The following NEK11 variants were observed in gnomAD, a reference collection of about 807,000 sequenced individuals.
The protein encoded by NEK11 is NIMA related kinase 11, also known as serine/threonine-protein kinase Nek11.
NEK11 carries 72 observed loss-of-function variants against 80.7 expected under a neutral mutation model. That is an observed-to-expected ratio of 0.89 (90% CI 0.74 to 1.08). The LOEUF is 1.08. Among genes scored for constraint, NEK11 ranks in the 50% least tolerant of loss-of-function variants. The pLI is 0.00. For missense variants in NEK11, 764 were observed against 763.6 expected (o/e 1.00, Z -0.01); for synonymous variants, 251 against 260.7 (o/e 0.96, Z 0.36).
chr3:131,204,901 C>CAT (rs2094397675), intron 14 of NEK11, among the ~76,000 whole-genome samples: 1 of 152,054 alleles, frequency 6.6e-6, no homozygotes, highest in African/African-American at 2.4e-5. Context: ...GGGGAGAGGG[C>CAT]ATTGAACCTT....
At chr3:131,213,071 T>C (rs1012338212) in intron 14 of NEK11, among the ~76,000 whole-genome samples, 1 of 152,110 alleles carries the variant, frequency 6.6e-6, no homozygotes, top group Non-Finnish European at 1.5e-5. Flanking sequence ...CATTAACTCT[T>C]TTCTGAGTGT....
intron 14 of NEK11, among the ~76,000 whole-genome samples, chr3:131,213,244 T>C (rs999302312): frequency 6.6e-6 from 1 of 152,106 alleles, no homozygotes; most frequent in African/African-American, 2.4e-5. Flanking sequence ...AGTTTGCCTC[T>C]TCACATTGGT....
At chr3:131,347,302 A>G (rs542760432) in intron 17 of NEK11, among the ~76,000 whole-genome samples, 35 of 152,334 alleles carry the variant, frequency 2.3e-4, no homozygotes, top group African/African-American at 7.5e-4. Flanking sequence ...ACAAATGTTC[A>G]ATGAATTGCC....
At position 131,168,939 on chromosome 3, in the gene NEK11, C is replaced by A. The variant is rs780375733; in HGVS notation, c.1284+2C>A. ...GAGAGGTGGCAAGGCAGGGAAGAGG[C>A]AAGTTTAATCATATTCACAAGCACA... On this transcript the variant is annotated splice_donor_variant, in intron 13 of 17. Coordinates refer to ENST00000383366, the MANE Select transcript of NEK11 (RefSeq NM_024800.5). LOFTEE classifies it high-confidence loss of function. 1.2e-6 allele frequency: 2 copies of A among 1,608,008 alleles called. No homozygotes were observed. The highest frequency in any genetic ancestry group is 1.7e-6 in the Non-Finnish European group (2 of 1,175,204).
In NEK11 at chr3:131,133,949, G is replaced by T; in HGVS notation, c.640G>T (p.Asp214Tyr). 1 of 1,608,052 alleles carries T rather than the reference G, an allele frequency of 6.2e-7. No homozygotes were observed. The highest frequency in any genetic ancestry group is 1.1e-5 in the South Asian group (1 of 89,492). ...LKHQGYDTKS[D>Y]IWSLACILYE... ...ACACCAAGGCTATGACACAAAGTCG[G>T]ACATCTGGTGAGTGGGCTAGTGGGC... The change falls in exon 7 of 18, where the codon GAC becomes TAC. Residue 214 changes from aspartate to tyrosine, a missense_variant. Physicochemically the swap from Asp to Tyr is radical, Grantham distance 160 (BLOSUM62 -3). Transcript: ENST00000383366.
At chr3:131,184,686 C>G (rs1026644867) in intron 14 of NEK11, 1 of 1,031,400 alleles carries the variant, frequency 9.7e-7, no homozygotes, top group East Asian at 3.2e-5. Context: ...TAAAATTTTT[C>G]TCTTTCTTCT....
chr3:131,243,131 A>G (rs1381627640), intron 15 of NEK11, among the ~76,000 whole-genome samples: 1 of 152,190 alleles, frequency 6.6e-6, no homozygotes, highest in Non-Finnish European at 1.5e-5. Context: ...TAATTTGGAA[A>G]AGACATAAGC....
intron 14 of NEK11, among the ~76,000 whole-genome samples, chr3:131,213,981 T>A (rs2094724765): frequency 6.6e-6 from 1 of 152,168 alleles, no homozygotes; most frequent in Non-Finnish European, 1.5e-5. Context: ...GCTTCCTGTC[T>A]CTATGTTTCC....
At chr3:131,061,406 C>G (rs1285393742) in intron 3 of NEK11, among the ~76,000 whole-genome samples, 1 of 151,898 alleles carries the variant, frequency 6.6e-6, no homozygotes, top group East Asian at 1.9e-4. Context: ...AGGATGTAGT[C>G]TTTCTGGGGA....
At chr3:131,058,807 C>A (rs2070210482) in intron 3 of NEK11, among the ~76,000 whole-genome samples, 1 of 152,160 alleles carries the variant, frequency 6.6e-6, no homozygotes, top group Non-Finnish European at 1.5e-5. Flanking sequence ...ACAGACAAGT[C>A]TGTCTGGGTA....
At chr3:131,071,296 G>A (rs946836356) in intron 3 of NEK11, among the ~76,000 whole-genome samples, 1 of 151,860 alleles carries the variant, frequency 6.6e-6, no homozygotes, top group Non-Finnish European at 1.5e-5. Context: ...TATAGAAAAA[G>A]GTATATTTAT....
chr3:131,156,388 A>G (rs573900427), intron 10 of NEK11, among the ~76,000 whole-genome samples: 14 of 152,300 alleles, frequency 9.2e-5, no homozygotes, highest in East Asian at 5.8e-4. Context: ...AAGGTCTTCT[A>G]TAGTATTGGG....
chr3:131,062,632 G>T (rs1334900374), intron 3 of NEK11, among the ~76,000 whole-genome samples: 1 of 152,148 alleles, frequency 6.6e-6, no homozygotes, highest in Admixed American at 6.5e-5. Flanking sequence ...GTGACTATAG[G>T]TAAGTCTTTT....
intron 17 of NEK11, among the ~76,000 whole-genome samples, chr3:131,277,637 G>A (rs773484991): frequency 2.0e-4 from 31 of 152,214 alleles, no homozygotes; most frequent in Non-Finnish European, 3.8e-4. Flanking sequence ...TCTCTAAACT[G>A]GGGGCCCTGG....
intron 3 of NEK11, among the ~76,000 whole-genome samples, chr3:131,070,803 A>G (rs1482818322): frequency 6.6e-6 from 1 of 152,198 alleles, no homozygotes; most frequent in Non-Finnish European, 1.5e-5. Flanking sequence ...TCTATTCTTC[A>G]GAATTGATGG....
In NEK11 at chr3:131,349,605, T is replaced by A. The variant is rs191144915; in HGVS notation, c.1767T>A (p.Asn589Lys). ...LGTEVFEEVY[N>K]YLKRARHQNA... Reference sequence around the variant, plus strand: ...CAGAAGTATTTGAAGAGGTCTATAATTACCTCAAGAGAGCAAGGCATCAGA... The same window carrying A: ...CAGAAGTATTTGAAGAGGTCTATAAATACCTCAAGAGAGCAAGGCATCAGA... Residue 589 changes from asparagine (N) to lysine (K), a missense_variant, in exon 18 of 18, where the codon AAT becomes AAA. Transcript: ENST00000383366. 1 of 1,614,162 alleles carries A rather than the reference T, an allele frequency of 6.2e-7. No individual in the cohort carries two copies. Among genetic ancestry groups the A allele is most frequent in the African/African-American group, 1.3e-5 (1 of 75,050 alleles).
At chr3:131,246,530 G>C (rs141230427) in intron 16 of NEK11, among the ~76,000 whole-genome samples, 70 of 152,212 alleles carry the variant, frequency 4.6e-4, no homozygotes, top group African/African-American at 1.5e-3. Context: ...ATGGACATTT[G>C]GGCTGGTTCC....
chr3:131,052,195 G>A (rs563756412), intron 3 of NEK11, among the ~76,000 whole-genome samples: 5 of 140,716 alleles, frequency 3.6e-5, no homozygotes, highest in African/African-American at 7.9e-5. Context: ...CCATGTTAGT[G>A]TGTAGAACAT....
intron 3 of NEK11, among the ~76,000 whole-genome samples, chr3:131,074,047 G>C (rs535154544): frequency 1.3e-5 from 2 of 152,132 alleles, no homozygotes; most frequent in African/African-American, 4.8e-5. Flanking sequence ...TTTCTTGACA[G>C]AATTAAGCTC....
Sources: gnomAD v4.1 joint callset for allele counts (sites outside exome capture counted in the v4.1 genomes callset) on GRCh38, gnomAD v4.1.1 for gene constraint, MANE v1.5 for transcripts, NCBI Gene and HGNC (gene_info 2026-07-23, HGNC 2026-07-21) for gene names.